ZNF69: variants seen among roughly 807,000 people sequenced by gnomAD.
The protein encoded by ZNF69 is zinc finger protein 69, also known as ZNF3.
A neutral mutation model predicts 50.9 loss-of-function variants in ZNF69; 47 were observed. That is an observed-to-expected ratio of 0.92 (90% CI 0.73 to 1.18). ZNF69 has a LOEUF of 1.18. Ranked by LOEUF, ZNF69 falls within the 50% of genes most tolerant of loss-of-function variation. ZNF69 has a pLI of 0.00. For missense variants in ZNF69, 717 were observed against 675.1 expected (o/e 1.06, Z -0.69); for synonymous variants, 216 against 223.1 (o/e 0.97, Z 0.29).
chr19:11,925,280 G>C, the ZNF69 span: 14 of 1,611,918 alleles, frequency 8.7e-6, no homozygotes, highest in East Asian at 2.9e-4. Flanking sequence ...AATGGTGCGT[G>C]TGCGGGACCA....
chr19:11,948,211 C>T, the ZNF69 span: 5 of 1,544,266 alleles, frequency 3.2e-6, no homozygotes, highest in Non-Finnish European at 4.4e-6. Flanking sequence ...AAGTGCAATA[C>T]TTGTTGATTA....
chr19:11,888,617 G>A (rs1977006029), intron 1 of ZNF69, among the ~76,000 whole-genome samples: 1 of 152,158 alleles, frequency 6.6e-6, no homozygotes, highest in Non-Finnish European at 1.5e-5. Flanking sequence ...AGAGAGACAG[G>A]AATTGCAGGG....
At position 11,897,324 on chromosome 19, in the gene ZNF69, G is replaced by A. The variant is rs189394812; in HGVS notation, c.64-6249G>A. On this transcript the variant is annotated intron_variant, in intron 1 of 3. Coordinates refer to ENST00000429654, the MANE Select transcript of ZNF69 (RefSeq NM_001364730.1). ...ATCACGCCATTGCACTCCAGCCTGG[G>A]CAACAAGAGTGAAACTCCATCTCAA... Among the ~76,000 whole-genome samples the A allele has an allele frequency of 1.2e-4, 19 of 152,170 alleles. No homozygotes were observed. The East Asian group carries it at 3.7e-3, about 29-fold the overall frequency.
chr19:11,951,450 CA>C, the ZNF69 span, among the ~76,000 whole-genome samples: 1 of 151,886 alleles, frequency 6.6e-6, no homozygotes, highest in Non-Finnish European at 1.5e-5. Context: ...AGACTGGTCT[CA>C]AACTCCGGAC....
At chr19:11,957,294 C>T in the ZNF69 span, among the ~76,000 whole-genome samples, 3 of 151,556 alleles carry the variant, frequency 2.0e-5, no homozygotes, top group Non-Finnish European at 2.9e-5. Flanking sequence ...TGGGGTTTCA[C>T]CATGTTAGCC....
chr19:11,899,996 C>A (rs1009988308), intron 1 of ZNF69, among the ~76,000 whole-genome samples: 1 of 152,000 alleles, frequency 6.6e-6, no homozygotes, highest in Non-Finnish European at 1.5e-5. Flanking sequence ...TTCTTGTTGC[C>A]CAGACTGGAG....
At chr19:11,948,920 G>A in the ZNF69 span, 18 of 1,606,560 alleles carry the variant, frequency 1.1e-5, no homozygotes, top group Non-Finnish European at 1.4e-5. Context: ...CATGAAAGAA[G>A]TCACATGGGA....
chr19:11,965,489 G>A, the ZNF69 span, among the ~76,000 whole-genome samples: 14 of 152,370 alleles, frequency 9.2e-5, no homozygotes, highest in East Asian at 1.9e-4. Context: ...CGTCTCCCCA[G>A]ATTATGCGGA....
intron 3 of ZNF69, among the ~76,000 whole-genome samples, chr19:11,904,415 A>G (rs1240411608): frequency 6.6e-6 from 1 of 152,188 alleles, no homozygotes; most frequent in African/African-American, 2.4e-5. Context: ...AGTATTTGTA[A>G]AATAGTTTAC....
At chr19:11,920,581 G>A in the ZNF69 span, among the ~76,000 whole-genome samples, 1 of 152,056 alleles carries the variant, frequency 6.6e-6, no homozygotes, top group African/African-American at 2.4e-5. Flanking sequence ...ACTGTGCCAG[G>A]CCAAATGAAA....
At chr19:11,917,505 A>G (rs766235364), downstream of ZNF69, among the ~76,000 whole-genome samples, 7 of 152,108 alleles carry the variant, frequency 4.6e-5, no homozygotes, top group Non-Finnish European at 7.4e-5. Flanking sequence ...ATGTGTAACT[A>G]TTGGAGTGTG....
At chr19:11,972,504 G>A in the ZNF69 span, among the ~76,000 whole-genome samples, 2 of 152,104 alleles carry the variant, frequency 1.3e-5, no homozygotes, top group African/African-American at 4.8e-5. Flanking sequence ...TAATGATGGA[G>A]CCAGTATTGG....
the ZNF69 span, among the ~76,000 whole-genome samples, chr19:11,975,934 T>C: frequency 6.6e-6 from 1 of 151,714 alleles, no homozygotes; most frequent in East Asian, 2.0e-4. Flanking sequence ...GAATGTCCCA[T>C]CTGCCCTTGT....
At chr19:11,978,670 C>T in the ZNF69 span, 1 of 1,614,078 alleles carries the variant, frequency 6.2e-7, no homozygotes, top group Non-Finnish European at 8.5e-7. Context: ...CATGAAAGAA[C>T]TCACACTGGA....
the ZNF69 span, among the ~76,000 whole-genome samples, chr19:11,944,293 C>T: frequency 2.0e-5 from 3 of 151,064 alleles, no homozygotes; most frequent in African/African-American, 7.4e-5. Context: ...GGGGAATATC[C>T]TGTTTTTCTA....
At chr19:11,942,531 G>A in the ZNF69 span, among the ~76,000 whole-genome samples, 1 of 152,136 alleles carries the variant, frequency 6.6e-6, no homozygotes, top group Non-Finnish European at 1.5e-5. Flanking sequence ...TATTCGGCCA[G>A]GAGCGTCAGC....
At chr19:11,925,557 G>A in the ZNF69 span, among the ~76,000 whole-genome samples, 1 of 152,206 alleles carries the variant, frequency 6.6e-6, no homozygotes. Flanking sequence ...CGTCTCCCCA[G>A]ATTGTGCGGA....
intron 1 of ZNF69, among the ~76,000 whole-genome samples, chr19:11,888,696 G>A (rs1977008092): frequency 6.6e-6 from 1 of 152,154 alleles, no homozygotes; most frequent in Non-Finnish European, 1.5e-5. Context: ...GGCCGGGCAC[G>A]GTGGCTCACG....
At chr19:11,911,587 C>T (rs1418543467), downstream of ZNF69, among the ~76,000 whole-genome samples, 1 of 152,136 alleles carries the variant, frequency 6.6e-6, no homozygotes, top group East Asian at 1.9e-4. Flanking sequence ...AAAACCAACA[C>T]TGCATATTCT....
Sources: allele counts gnomAD v4.1 joint callset (sites outside exome capture counted in the v4.1 genomes callset), GRCh38; gene constraint gnomAD v4.1.1; transcripts MANE v1.5; gene names NCBI Gene and HGNC (gene_info 2026-07-23, HGNC 2026-07-21).